GBF1: variants seen among roughly 807,000 people sequenced by gnomAD.
GBF1 encodes Golgi-specific brefeldin A-resistance guanine nucleotide exchange factor 1.
A neutral mutation model predicts 210.5 loss-of-function variants in GBF1; 114 were observed. The ratio of observed to expected loss-of-function variants is 0.54; its 90% CI spans 0.47 to 0.63. The LOEUF (loss-of-function observed/expected upper bound fraction) is 0.63, where lower values mean the gene tolerates loss of function less well. Ranked by LOEUF, GBF1 falls within the 30% of genes least tolerant of loss-of-function variation. The probability of loss-of-function intolerance (pLI) is 0.00; values close to 1 mark genes in which losing one functional copy is unlikely to be tolerated. For synonymous variants in GBF1, 850 were observed against 889.2 expected, an observed-to-expected ratio of 0.96 and a Z score of 0.78; for missense variants, 1,851 against 2,357.7, an observed-to-expected ratio of 0.79 and a Z score of 4.45.
chr10:102,329,180 G>A (rs888496578), intron 3 of GBF1, among the ~76,000 whole-genome samples: 1 of 152,162 alleles, frequency 6.6e-6, no homozygotes, highest in Non-Finnish European at 1.5e-5. Context: ...ATTTAAGGTT[G>A]ATACGCATCA....
intron 3 of GBF1, among the ~76,000 whole-genome samples, chr10:102,289,053 A>C (rs1045397337): frequency 9.9e-5 from 15 of 151,762 alleles, no homozygotes; most frequent in Non-Finnish European, 1.8e-4. Context: ...CAGTGAGCCA[A>C]GATCATGCCA....
At chr10:102,345,296 AAG>A (rs2058467195) in intron 4 of GBF1, among the ~76,000 whole-genome samples, 1 of 151,580 alleles carries the variant, frequency 6.6e-6, no homozygotes, top group African/African-American at 2.4e-5. Flanking sequence ...AAAAAAAAAA[AAG>A]AATAGAATAA....
chr10:102,381,314 A>G, intron 39 of GBF1, 59 bp downstream of exon 39: 1 of 1,580,080 alleles, frequency 6.3e-7, no homozygotes, highest in Non-Finnish European at 8.7e-7. Flanking sequence ...GCCTAAGAGG[A>G]GGCCCAAGGG....
At chr10:102,378,174 T>C (rs2060623789) in intron 33 of GBF1, among the ~76,000 whole-genome samples, 1 of 149,156 alleles carries the variant, frequency 6.7e-6, no homozygotes, top group East Asian at 2.0e-4. Flanking sequence ...GCCGAGATTA[T>C]GCCACTGCAC....
In GBF1 at chr10:102,369,850, T is replaced by C; in HGVS notation, c.3216-11T>C. On this transcript the variant is annotated splice_polypyrimidine_tract_variant and intron_variant, in intron 25 of 39. Coordinates refer to ENST00000369983, the MANE Select transcript of GBF1 (RefSeq NM_001377137.1). ...TTGGGGCTCACCAGGCCATGTGCCC[T>C]TTTTCTACAGAGGAGAGTCAACAGT... The C allele has an allele frequency of 6.2e-7, 1 of 1,614,042 alleles. No homozygotes were observed. Among genetic ancestry groups the C allele is most frequent in the Non-Finnish European group, 8.5e-7 (1 of 1,179,900 alleles).
chr10:102,284,508 C>A (rs2075780297), intron 3 of GBF1, among the ~76,000 whole-genome samples: 1 of 152,154 alleles, frequency 6.6e-6, no homozygotes, highest in African/African-American at 2.4e-5. Context: ...TAAATGGAAT[C>A]ATATAATATG....
chr10:102,234,842 G>C, the GBF1 span, among the ~76,000 whole-genome samples: 1 of 152,082 alleles, frequency 6.6e-6, no homozygotes, highest in Non-Finnish European at 1.5e-5. Context: ...CCCTGTCCCC[G>C]GCATTCCATA....
At position 102,370,408 on chromosome 10, in the gene GBF1, G is replaced by A. The variant is rs1242275792; in HGVS notation, c.3436G>A (p.Glu1146Lys). The change falls in exon 28 of 40, where the codon GAA (glutamate) becomes AAA (lysine). Residue 1146 changes from glutamate to lysine, a missense_variant. This residue lies in a region of GBF1 where 967 missense variants were observed against 1,247.7 expected (regional missense o/e 0.78). Coordinates refer to ENST00000369983, the MANE Select transcript of GBF1 (RefSeq NM_001377137.1). ...MKALVSVTPDEETYDEEDAAF... is the reference protein window; with the variant it reads ...MKALVSVTPDKETYDEEDAAF... ...GGCTCTGGTCTCAGTGACACCAGAT[G>A]AAGAGACATATGATGAGGAAGATGC... 1 of 1,612,864 alleles carries A rather than the reference G, an allele frequency of 6.2e-7. No individual in the cohort carries two copies. Among genetic ancestry groups the A allele is most frequent in the South Asian group, 1.1e-5 (1 of 91,060 alleles).
chr10:102,324,167 C>A (rs1350922613), intron 3 of GBF1, among the ~76,000 whole-genome samples: 1 of 152,180 alleles, frequency 6.6e-6, no homozygotes. Context: ...TCCTCCCTTC[C>A]TCTCTCTCCC....
intron 3 of GBF1, among the ~76,000 whole-genome samples, chr10:102,322,420 T>G (rs1200014907): frequency 6.6e-6 from 1 of 152,218 alleles, no homozygotes; most frequent in African/African-American, 2.4e-5. Context: ...TTCCCCAGTT[T>G]ATGTCCATTT....
intron 17 of GBF1, among the ~76,000 whole-genome samples, chr10:102,365,129 C>T (rs936366990): frequency 1.3e-5 from 2 of 152,158 alleles, no homozygotes; most frequent in Non-Finnish European, 2.9e-5. Flanking sequence ...ACTTTTCCCC[C>T]AATCCTAAGT....
chr10:102,333,117 GA>G (rs2057458408), intron 3 of GBF1, among the ~76,000 whole-genome samples: 1 of 152,184 alleles, frequency 6.6e-6, no homozygotes, highest in South Asian at 2.1e-4. Context: ...AATGGATGAG[GA>G]AACTATGGCC....
Position 102,370,163 on chromosome 10 carries a change from G to C in GBF1, c.3340-11G>C, listed in dbSNP as rs2135214105. 2 of 1,604,876 alleles carry C rather than the reference G, an allele frequency of 1.2e-6. No homozygotes were observed. ...TTGTCAAAGACCCCCTCTCTCTTTTGCCCTCTCTAGCAATGTGACCCAGAA... is the reference window on the plus strand; with the variant it reads ...TTGTCAAAGACCCCCTCTCTCTTTTCCCCTCTCTAGCAATGTGACCCAGAA... On this transcript the variant is annotated splice_polypyrimidine_tract_variant and intron_variant, in intron 26 of 39. Transcript: ENST00000369983.
intron 14 of GBF1, among the ~76,000 whole-genome samples, chr10:102,362,246 C>T (rs889846900): frequency 6.6e-6 from 1 of 151,360 alleles, no homozygotes; most frequent in Non-Finnish European, 1.5e-5. Context: ...TTAGCAGAGA[C>T]GGGGTTTCAC....
At chr10:102,258,444 C>T (rs1195074374) in intron 1 of GBF1, among the ~76,000 whole-genome samples, 1 of 149,734 alleles carries the variant, frequency 6.7e-6, no homozygotes, top group Non-Finnish European at 1.5e-5. Flanking sequence ...GCCTGAGCCA[C>T]TGCACCTGGC....
rs555738653 is a variant in GBF1 at position 102,347,991 on chromosome 10, C to T, written c.296-3265C>T. Among the ~76,000 whole-genome samples the T allele has an allele frequency of 5.9e-5, 9 of 152,200 alleles. No individual in the cohort carries two copies. The South Asian group carries it at 1.5e-3, about 25-fold the overall frequency. ...TCGCTCTGTTGCCCAGGTTGGAGTG[C>T]ACTGGTGTGATCTTGGCTCACTGCA... On this transcript the variant is annotated intron_variant, in intron 4 of 39. Transcript: ENST00000369983.
At chr10:102,339,935 T>C (rs1010732510) in intron 3 of GBF1, among the ~76,000 whole-genome samples, 8 of 146,862 alleles carry the variant, frequency 5.4e-5, no homozygotes, top group African/African-American at 2.0e-4. Flanking sequence ...TACAGGCACA[T>C]GCCATCATAC....
At chr10:102,304,261 T>C (rs1237354050) in intron 3 of GBF1, among the ~76,000 whole-genome samples, 1 of 152,176 alleles carries the variant, frequency 6.6e-6, no homozygotes, top group African/African-American at 2.4e-5. Flanking sequence ...ACTTACTTGT[T>C]TTATAGCTAA....
chr10:102,364,248 G>A lies in GBF1; in HGVS notation c.2106+450G>A, dbSNP rs1490494782. Among the ~76,000 whole-genome samples the A allele has an allele frequency of 3.6e-5, 4 of 109,604 alleles. No individual in the cohort carries two copies. The Admixed American group carries it at 3.8e-4, about 11-fold the overall frequency. The allele number at this position is 109,604 out of a possible 152,430, so 71.9% of individuals were successfully genotyped here. Reference sequence around the variant, plus strand: ...TTTTTTTTTTTTTTTTTTTTCAGACGGAGTCTCTCTCTGTTGCCTAGGCTG... The same window carrying A: ...TTTTTTTTTTTTTTTTTTTTCAGACAGAGTCTCTCTCTGTTGCCTAGGCTG... On this transcript the variant is annotated intron_variant, in intron 17 of 39. Transcript: ENST00000369983.
Sources: gnomAD v4.1 joint callset for allele counts (sites outside exome capture counted in the v4.1 genomes callset) on GRCh38, gnomAD v4.1.1 for gene constraint, gnomAD v4.1.1 regional missense constraint, MANE v1.5 for transcripts, NCBI Gene and HGNC (gene_info 2026-07-23, HGNC 2026-07-21) for gene names.